COL15A1: variants seen among roughly 807,000 people sequenced by gnomAD.
The protein encoded by COL15A1 is collagen type XV alpha 1 chain.
In COL15A1, 111 loss-of-function variants were observed where a neutral mutation model predicts 165.9. The ratio of observed to expected loss-of-function variants is 0.67; its 90% CI spans 0.57 to 0.78. The LOEUF is 0.78. Ranked by LOEUF, COL15A1 falls within the 30% of genes least tolerant of loss-of-function variation. The pLI is 0.00. For synonymous variants in COL15A1, 659 were observed against 674.8 expected, an observed-to-expected ratio of 0.98 and a Z score of 0.36; for missense variants, 1,745 against 1,789.7, an observed-to-expected ratio of 0.98 and a Z score of 0.45.
At chr9:99,043,960 CTAAG>C (rs1428399617) in intron 24 of COL15A1, among the ~76,000 whole-genome samples, 2 of 152,190 alleles carry the variant, frequency 1.3e-5, no homozygotes, top group African/African-American at 2.4e-5. Flanking sequence ...CTTTGCCTAA[CTAAG>C]TAAGTGTTTG....
chr9:99,057,084 AT>A (rs1825732088), intron 35 of COL15A1, among the ~76,000 whole-genome samples: 1 of 152,212 alleles, frequency 6.6e-6, no homozygotes, highest in African/African-American at 2.4e-5. Context: ...GCTGGGTCAT[AT>A]GGTAACTCTA....
chr9:98,995,313 T>C (rs1218845027), intron 5 of COL15A1, among the ~76,000 whole-genome samples: 4 of 152,066 alleles, frequency 2.6e-5, no homozygotes, highest in Admixed American at 6.5e-5. Context: ...CTGCCCTGGT[T>C]CCTGTCTTGT....
rs565023309 is a variant in COL15A1, at chr9:99,060,718, T to A, written c.3402+765T>A. ...CTGGGCAACATAGTGAGATCCTGCCTCTACAGAAAAATGTAAAAATTAACT... is the reference window on the plus strand; with the variant it reads ...CTGGGCAACATAGTGAGATCCTGCCACTACAGAAAAATGTAAAAATTAACT... On this transcript the variant is annotated intron_variant, in intron 36 of 41. Transcript: ENST00000375001. Among the ~76,000 whole-genome samples, 3 of 152,206 alleles carry A rather than the reference T, an allele frequency of 2.0e-5. No homozygotes were observed. In the South Asian group the frequency reaches 6.2e-4, roughly 32 times the overall value.
intron 13 of COL15A1, among the ~76,000 whole-genome samples, chr9:99,023,087 T>C (rs73503749): frequency 0.036 from 5,483 of 152,118 alleles, 323 homozygotes; most frequent in African/African-American, 0.13. Flanking sequence ...AGGAGGAGAC[T>C]GCGGAACTGG....
chr9:99,032,540 A>G (rs1356170005), intron 16 of COL15A1, among the ~76,000 whole-genome samples: 3 of 152,100 alleles, frequency 2.0e-5, no homozygotes, highest in Non-Finnish European at 4.4e-5. Flanking sequence ...TTGGTACTCT[A>G]TGGACTTTTT....
intron 39 of COL15A1, among the ~76,000 whole-genome samples, chr9:99,063,985 A>T (rs558923871): frequency 6.6e-6 from 1 of 152,148 alleles, no homozygotes; most frequent in East Asian, 1.9e-4. Flanking sequence ...CGTTTAAATC[A>T]GCATAGAAAC....
At chr9:98,971,053 A>C (rs1371200954) in intron 2 of COL15A1, among the ~76,000 whole-genome samples, 3 of 152,150 alleles carry the variant, frequency 2.0e-5, no homozygotes, top group Admixed American at 6.5e-5. Context: ...TAGGGGGCCA[A>C]GGGGCAGGAC....
intron 7 of COL15A1, among the ~76,000 whole-genome samples, chr9:99,001,163 C>A (rs570810695): frequency 7.9e-5 from 12 of 152,144 alleles, no homozygotes; most frequent in Non-Finnish European, 1.3e-4. Flanking sequence ...GGGGGATATG[C>A]AGTGCAAGCT....
chr9:99,030,731 G>A (rs1201067504), intron 16 of COL15A1, among the ~76,000 whole-genome samples: 5 of 152,142 alleles, frequency 3.3e-5, no homozygotes. Flanking sequence ...AAGATCAGCC[G>A]GCCATGCAGC....
At chr9:99,046,098 G>C (rs1055570467) in intron 26 of COL15A1, among the ~76,000 whole-genome samples, 9 of 152,116 alleles carry the variant, frequency 5.9e-5, no homozygotes, top group Admixed American at 6.5e-5. Flanking sequence ...AATACAAATA[G>C]TTAGTGGTGG....
intron 11 of COL15A1, among the ~76,000 whole-genome samples, chr9:99,017,779 T>C (rs1000899793): frequency 1.3e-5 from 2 of 152,198 alleles, no homozygotes; most frequent in East Asian, 1.9e-4. Context: ...TGATGCCACA[T>C]CGGGCACAGA....
chr9:98,970,122 C>T (rs1261813588), intron 2 of COL15A1, among the ~76,000 whole-genome samples: 1 of 151,790 alleles, frequency 6.6e-6, no homozygotes, highest in Non-Finnish European at 1.5e-5. Context: ...GCAAGTAAAG[C>T]ACTTCGTGCC....
chr9:98,959,760 ATGGCTTCTCAC>A (rs1291167764), intron 2 of COL15A1, among the ~76,000 whole-genome samples: 2 of 152,168 alleles, frequency 1.3e-5, no homozygotes, highest in African/African-American at 2.4e-5. Context: ...GTCCTCTAGC[ATGGCTTCTCAC>A]TGTGAGTCAG....
At chr9:99,052,794 T>C (rs1432773145) in intron 31 of COL15A1, among the ~76,000 whole-genome samples, 1 of 152,138 alleles carries the variant, frequency 6.6e-6, no homozygotes, top group Non-Finnish European at 1.5e-5. Context: ...CCTCTCAGGC[T>C]CTTGGAACCT....
At chr9:98,947,064 G>A (rs1229781793) in intron 2 of COL15A1, among the ~76,000 whole-genome samples, 1 of 152,158 alleles carries the variant, frequency 6.6e-6, no homozygotes, top group East Asian at 1.9e-4. Flanking sequence ...TAAGGGAAAG[G>A]AAAGCATATG....
intron 6 of COL15A1, 88 bp from the exon 7 acceptor site, chr9:99,000,751 T>C: frequency 1.3e-6 from 1 of 747,298 alleles, no homozygotes. Flanking sequence ...TCTGAACATC[T>C]TTCCAAGTTA....
chr9:98,979,402 G>A (rs2118864966), intron 2 of COL15A1, among the ~76,000 whole-genome samples: 1 of 152,272 alleles, frequency 6.6e-6, no homozygotes, highest in East Asian at 1.9e-4. Flanking sequence ...CAATCTGATA[G>A]GGAAAATGGT....
rs761101125 is a variant in COL15A1, at chr9:98,997,101, C to G, written c.952+20C>G. On this transcript the variant is annotated intron_variant, in intron 6 of 41. Transcript: ENST00000375001. The stretch of plus-strand genomic sequence containing the variant: ...AACAAGGCAAGTCCGGATGCACATG[C>G]CTACGTAGTGGCCTTTTATTGGGTG... 2 of 1,613,868 alleles carry G rather than the reference C, an allele frequency of 1.2e-6. No individual in the cohort carries two copies. Among genetic ancestry groups the G allele is most frequent in the East Asian group, 2.2e-5 (1 of 44,872 alleles).
chr9:98,954,812 G>T (rs182017430), intron 2 of COL15A1, among the ~76,000 whole-genome samples: 4 of 152,140 alleles, frequency 2.6e-5, no homozygotes, highest in African/African-American at 9.7e-5. Context: ...TTACTGCTGT[G>T]TCTCTAACCC....
Sources: allele counts gnomAD v4.1 joint callset (sites outside exome capture counted in the v4.1 genomes callset), GRCh38; gene constraint gnomAD v4.1.1; transcripts MANE v1.5; gene names NCBI Gene and HGNC (gene_info 2026-07-23, HGNC 2026-07-21).